Variants in STPG2 observed in about 807,000 individuals in gnomAD.
STPG2 encodes the protein sperm tail PG-rich repeat containing 2.
A neutral mutation model predicts 54.2 loss-of-function variants in STPG2; 56 were observed. The ratio of observed to expected loss-of-function variants is 1.03; its 90% CI spans 0.83 to 1.29. STPG2 has a LOEUF of 1.29. Among genes scored for constraint, STPG2 ranks in the 50% most tolerant of loss-of-function variants. The pLI is 0.00. For synonymous variants in STPG2, 200 were observed against 181.8 expected, an observed-to-expected ratio of 1.10 and a Z score of -0.81; for missense variants, 596 against 544.9, an observed-to-expected ratio of 1.09 and a Z score of -0.93.
intron 5 of STPG2, among the ~76,000 whole-genome samples, chr4:98,040,396 G>A (rs1263050870): frequency 6.6e-6 from 1 of 151,748 alleles, no homozygotes; most frequent in Non-Finnish European, 1.5e-5. Context: ...CTTTGCCTGG[G>A]CCAATGTCCG....
intron 8 of STPG2, among the ~76,000 whole-genome samples, chr4:97,914,557 A>C (rs1578685399): frequency 6.6e-6 from 1 of 152,118 alleles, no homozygotes; most frequent in Non-Finnish European, 1.5e-5. Flanking sequence ...ATCTTCCCAA[A>C]CAGAAACATT....
chr4:97,917,541 CT>C (rs979658787), intron 8 of STPG2: 1 of 151,864 alleles, frequency 6.6e-6, no homozygotes, highest in Non-Finnish European at 1.5e-5. Context: ...TAATTTACCC[CT>C]GGCTAAAAAA....
chr4:97,938,018 T>C (rs974442831), intron 8 of STPG2, among the ~76,000 whole-genome samples: 1 of 152,082 alleles, frequency 6.6e-6, no homozygotes. Context: ...ACAGAGACCA[T>C]GGCCACCCCT....
chr4:97,856,153 CT>C (rs1397379751), intron 8 of STPG2, among the ~76,000 whole-genome samples: 1 of 152,114 alleles, frequency 6.6e-6, no homozygotes, highest in Non-Finnish European at 1.5e-5. Flanking sequence ...TATTTGACCT[CT>C]TTTTTGGTTC....
At chr4:97,911,253 T>A (rs537367656) in intron 8 of STPG2, among the ~76,000 whole-genome samples, 88 of 152,284 alleles carry the variant, frequency 5.8e-4, no homozygotes, top group Non-Finnish European at 1.0e-3. Flanking sequence ...ACACAGGAGT[T>A]TTTGCATACT....
chr4:97,567,189 A>AACACAC (rs142654573), intron 10 of STPG2, among the ~76,000 whole-genome samples: 1,870 of 145,458 alleles, frequency 0.013, 30 homozygotes, highest in African/African-American at 0.044. Flanking sequence ...TCATAGCTGT[A>AACACAC]ACACACACAC....
intron 9 of STPG2, among the ~76,000 whole-genome samples, chr4:97,791,863 C>T (rs1560529694): frequency 2.0e-5 from 3 of 151,360 alleles, no homozygotes; most frequent in South Asian, 2.1e-4. Flanking sequence ...GCTATTCAAG[C>T]TAATGAAAAC....
chr4:97,740,162 A>T (rs1725174062), intron 9 of STPG2, among the ~76,000 whole-genome samples: 2 of 152,216 alleles, frequency 1.3e-5, no homozygotes, highest in Admixed American at 1.3e-4. Flanking sequence ...AAAATTCAAC[A>T]ACGCTTCATG....
chr4:97,494,964 A>C (rs1430948774), intron 4 of STPG2, among the ~76,000 whole-genome samples: 1 of 151,592 alleles, frequency 6.6e-6, no homozygotes, highest in Non-Finnish European at 1.5e-5. Flanking sequence ...AAAAGAAAAA[A>C]GAAAAAATGA....
At chr4:98,016,946 T>C (rs34892904) in intron 5 of STPG2, among the ~76,000 whole-genome samples, 59,982 of 151,930 alleles carry the variant, frequency 0.39, 12,069 homozygotes, top group Middle Eastern at 0.46. Flanking sequence ...AGATATTCAG[T>C]TGGTAGGCAA....
intron 10 of STPG2, among the ~76,000 whole-genome samples, chr4:97,659,505 T>C (rs1722313918): frequency 6.6e-6 from 1 of 152,204 alleles, no homozygotes; most frequent in Non-Finnish European, 1.5e-5. Flanking sequence ...TGGTAGTGTG[T>C]TCTTACACTC....
intron 3 of STPG2, among the ~76,000 whole-genome samples, chr4:98,116,302 G>A (rs565320910): frequency 2.6e-5 from 4 of 151,920 alleles, no homozygotes; most frequent in African/African-American, 9.6e-5. Flanking sequence ...TGTAAGTTAT[G>A]AGTGATTAGG....
At chr4:97,513,605 C>T (rs981181518) in intron 4 of STPG2, among the ~76,000 whole-genome samples, 3 of 151,994 alleles carry the variant, frequency 2.0e-5, no homozygotes, top group Non-Finnish European at 2.9e-5. Context: ...CAGATGAAGT[C>T]CAAATATATA....
intron 9 of STPG2, among the ~76,000 whole-genome samples, chr4:97,766,251 A>G (rs1342391882): frequency 6.6e-6 from 1 of 152,056 alleles, no homozygotes; most frequent in African/African-American, 2.4e-5. Flanking sequence ...TTCTTGTTCA[A>G]CCATTGTGAA....
At chr4:97,647,179 T>G (rs551941090) in intron 10 of STPG2, among the ~76,000 whole-genome samples, 33 of 152,282 alleles carry the variant, frequency 2.2e-4, no homozygotes, top group African/African-American at 7.5e-4. Context: ...AAATGCTTGT[T>G]GGGAGCATGG....
At chr4:97,495,808 T>C (rs1027763449) in intron 4 of STPG2, among the ~76,000 whole-genome samples, 4 of 147,920 alleles carry the variant, frequency 2.7e-5, no homozygotes, top group African/African-American at 7.6e-5. Flanking sequence ...AGAAGTTTGG[T>C]AAAATAAAAT....
intron 9 of STPG2, among the ~76,000 whole-genome samples, chr4:97,729,075 C>CTCTCTCTCTCTCTCTA (rs1724714740): frequency 1.3e-5 from 2 of 150,818 alleles, no homozygotes; most frequent in African/African-American, 4.9e-5. Flanking sequence ...CTCTCTCTCT[C>CTCTCTCTCTCTCTCTA]TCTCTCTCTC....
chr4:98,104,173 A>G (rs1453474953), intron 5 of STPG2, among the ~76,000 whole-genome samples: 1 of 152,208 alleles, frequency 6.6e-6, no homozygotes, highest in Non-Finnish European at 1.5e-5. Flanking sequence ...GTATATAACA[A>G]AACAATGGAA....
intron 10 of STPG2, chr4:97,633,734 CA>C (rs1291826304): frequency 1.3e-5 from 2 of 153,246 alleles, no homozygotes; most frequent in African/African-American, 4.8e-5. Flanking sequence ...GGGTGACGGA[CA>C]GCACCTGGAA....
Sources: gnomAD v4.1 joint callset for allele counts (sites outside exome capture counted in the v4.1 genomes callset) on GRCh38, gnomAD v4.1.1 for gene constraint, MANE v1.5 for transcripts, NCBI Gene and HGNC (gene_info 2026-07-23, HGNC 2026-07-21) for gene names.